IRX2: variants seen among roughly 807,000 people sequenced by gnomAD.
The protein encoded by IRX2 is iroquois-class homeodomain protein IRX-2.
IRX2 carries 26 observed loss-of-function variants against 42.9 expected under a neutral mutation model. The observed-to-expected ratio is 0.61, with a 90% CI of 0.44 to 0.84. The LOEUF (loss-of-function observed/expected upper bound fraction) is 0.84. IRX2 is among the 40% of genes least tolerant of loss of function. IRX2 has a pLI of 0.00. For synonymous variants in IRX2, 424 were observed against 353.9 expected (o/e 1.20, Z -2.22); for missense variants, 782 against 713.9 (o/e 1.10, Z -1.09).
chr5:2,744,776 T>A (rs1560946679), downstream of IRX2, among the ~76,000 whole-genome samples: 1 of 152,130 alleles, frequency 6.6e-6, no homozygotes, highest in African/African-American at 2.4e-5. Context: ...ATGTCTGACC[T>A]CCAAATGCTT....
At chr5:2,736,085 A>T in the IRX2 span, among the ~76,000 whole-genome samples, 8 of 152,110 alleles carry the variant, frequency 5.3e-5, no homozygotes, top group Non-Finnish European at 1.2e-4. Flanking sequence ...AGCCCACGCC[A>T]TGGGTTCCTA....
At chr5:2,740,927 G>GC (rs1461503713), downstream of IRX2, among the ~76,000 whole-genome samples, 2 of 152,114 alleles carry the variant, frequency 1.3e-5, no homozygotes, top group South Asian at 4.1e-4. Flanking sequence ...CCGGCCGGCA[G>GC]CCCCCCGACT....
At chr5:2,739,269 C>T in the IRX2 span, among the ~76,000 whole-genome samples, 2 of 152,006 alleles carry the variant, frequency 1.3e-5, no homozygotes, top group South Asian at 2.1e-4. Flanking sequence ...GGGCGTCCCC[C>T]GAGGTGTCGC....
At chr5:2,736,252 C>A in the IRX2 span, among the ~76,000 whole-genome samples, 1 of 152,180 alleles carries the variant, frequency 6.6e-6, no homozygotes, top group African/African-American at 2.4e-5. Context: ...CTCCACTGGG[C>A]CCTGGTGAAG....
chr5:2,740,190 G>C, the IRX2 span, among the ~76,000 whole-genome samples: 6 of 151,810 alleles, frequency 4.0e-5, no homozygotes, highest in Admixed American at 6.5e-5. Context: ...TGCGGGGGCG[G>C]GGGTCCTGCC....
intron 3 of IRX2, 23 bp from the exon 4 acceptor site, chr5:2,747,639 G>A (rs764795991): frequency 6.2e-7 from 1 of 1,612,928 alleles, no homozygotes. Context: ...TGGGCAGTTA[G>A]TCAGAACCGA....
rs1160043602 is a variant in IRX2, at chr5:2,751,018, G to C, written c.249+147C>G. 1.8e-5 allele frequency: 17 copies of C among 953,998 alleles called. No individual in the cohort carries two copies. The highest frequency in any genetic ancestry group is 2.0e-5 in the Non-Finnish European group (15 of 755,600). The allele number at this position is 953,998 out of a possible 1,614,324, so 59.1% of individuals were successfully genotyped here. On this transcript the variant is annotated intron_variant, in intron 1 of 3. Coordinates refer to ENST00000302057, the MANE Select transcript of IRX2 (RefSeq NM_033267.5). This position sits in a 1 kb window ranked among gnomAD's most constrained non-coding sequence, Gnocchi z 4.0. ...ACCCGGGGCCCGGCTCAGCCTGCGG[G>C]GCGGCCAACCGAGCCGGCGACTCCT...
In IRX2 at chr5:2,751,381, C is replaced by A. The variant is rs754581300; in HGVS notation, c.33G>T (p.Ala11=). The change falls in exon 1 of 4, where the codon GCG becomes GCT. Residue 11 remains alanine, a synonymous_variant. Coordinates refer to ENST00000302057, the MANE Select transcript of IRX2 (RefSeq NM_033267.5). This position sits in a 1 kb window ranked among gnomAD's most constrained non-coding sequence, Gnocchi z 4.0. The stretch of plus-strand genomic sequence containing the variant: ...ACGAGTAGAGCGCCAGCGAGCCGGG[C>A]GCCTGGTACAGGTAGCCCTGCGGGT... The part of the protein sequence containing the change: MSYPQGYLYQ[A]PGSLALYSCP... The A allele has an allele frequency of 7.7e-6, 11 of 1,420,448 alleles. No homozygotes were observed. Among genetic ancestry groups the A allele is most frequent in the Non-Finnish European group, 1.0e-5 (11 of 1,085,988 alleles). 88.0% of individuals were successfully genotyped at this position (1,420,448 alleles called of 1,614,324 possible). A position where few individuals can be genotyped will look rare whatever the true frequency, so the allele number is the denominator to read the frequency against.
chr5:2,748,456 CG>C lies in IRX2; in HGVS notation c.1251del (p.Gly418AlafsTer147), dbSNP rs1579626587. 9 of 1,569,108 alleles carry C rather than the reference CG, an allele frequency of 5.7e-6. No individual in the cohort carries two copies. Among genetic ancestry groups the C allele is most frequent in the Middle Eastern group, 2.1e-4 (1 of 4,716 alleles). ...TTTGGCGCGGTGTGCAGGGCCTCGCCGGGGGCCGCGGCCGCAGAGTTGTACC... is the reference window on the plus strand; with the variant it reads ...TTTGGCGCGGTGTGCAGGGCCTCGCCGGGGCCGCGGCCGCAGAGTTGTACC... ...LLRYNSAAAAPGEALHTAPKA... is the reference protein window; with the variant it reads ...LLRYNSAAAAXGEALHTAPKA... On this transcript the variant is annotated frameshift_variant, in exon 3 of 4. Transcript: ENST00000302057. LOFTEE classifies it high-confidence loss of function.
At chr5:2,743,535 C>CGGAGCCGGGAGCGCGCCCAGGTCT (rs1737590356), downstream of IRX2, among the ~76,000 whole-genome samples, 1 of 151,882 alleles carries the variant, frequency 6.6e-6, no homozygotes, top group African/African-American at 2.4e-5. Flanking sequence ...CGCCGGGCCG[C>CGGAGCCGGGAGCGCGCCCAGGTCT]GGAGCCGGGA....
In IRX2 at chr5:2,751,081, C is replaced by T; in HGVS notation, c.249+84G>A. The T allele has an allele frequency of 8.4e-7, 1 of 1,185,514 alleles. No individual in the cohort carries two copies. Among genetic ancestry groups the T allele is most frequent in the Non-Finnish European group, 1.0e-6 (1 of 957,724 alleles). 73.4% of individuals were successfully genotyped at this position (1,185,514 alleles called of 1,614,324 possible). On this transcript the variant is annotated intron_variant, in intron 1 of 3. Transcript: ENST00000302057. This position sits in a 1 kb window ranked among gnomAD's most constrained non-coding sequence, Gnocchi z 4.0. ...GCGCCACATTCCCGGCGGCCCCCGC[C>T]CGCCGAACCCGAGCCCCGCTCCGCC...
intron 3 of IRX2, 42 bp from the exon 4 acceptor site, chr5:2,747,658 C>G: frequency 1.2e-6 from 2 of 1,603,726 alleles, no homozygotes; most frequent in Admixed American, 1.7e-5. Context: ...GACCCCACAG[C>G]CTGCTGGCTG....
At position 2,751,459 on chromosome 5, in the gene IRX2, G is replaced by C. The variant is rs1737983500; in HGVS notation, c.-46C>G. The stretch of plus-strand genomic sequence containing the variant: ...CCCGCGTCACGCCGAGCAGCGGGCA[G>C]GGCGCGCGGCGCCCTCCATCCACGC... On this transcript the variant is annotated 5_prime_UTR_variant, in exon 1 of 4. Transcript: ENST00000302057. This position sits in a 1 kb window ranked among gnomAD's most constrained non-coding sequence, Gnocchi z 4.0. 3.0e-5 allele frequency: 34 copies of C among 1,133,172 alleles called. No homozygotes were observed. The highest frequency in any genetic ancestry group is 3.7e-5 in the Non-Finnish European group (34 of 926,434). 70.2% of individuals were successfully genotyped at this position (1,133,172 alleles called of 1,614,324 possible).
downstream of IRX2, among the ~76,000 whole-genome samples, chr5:2,745,598 A>G (rs1011650472): frequency 3.3e-5 from 5 of 152,338 alleles, no homozygotes; most frequent in Admixed American, 2.0e-4. Flanking sequence ...CTGAAAGGAA[A>G]GTAAGTCCCT....
At chr5:2,741,734 G>T (rs1436678060), downstream of IRX2, among the ~76,000 whole-genome samples, 1 of 152,058 alleles carries the variant, frequency 6.6e-6, no homozygotes, top group Non-Finnish European at 1.5e-5. Context: ...CTTCCCTCTG[G>T]GTATTTTCTG....
Position 2,746,765 on chromosome 5 carries a change from T to C in IRX2, c.*799A>G, listed in dbSNP as rs976415234. On this transcript the variant is annotated 3_prime_UTR_variant, in exon 4 of 4. Transcript: ENST00000302057. ...GCTGACTTTTTTTTTTTTTTTTTTT[T>C]CAAAGCAATTGTGACACCTACCTGT... 5 of 150,928 alleles carry C rather than the reference T, an allele frequency of 3.3e-5. No homozygotes were observed. The highest frequency in any genetic ancestry group is 1.3e-4 in the Admixed American group (2 of 15,034). 9.3% of individuals were successfully genotyped at this position (150,928 alleles called of 1,614,324 possible).
downstream of IRX2, among the ~76,000 whole-genome samples, chr5:2,743,574 G>C (rs1388919879): frequency 6.6e-6 from 1 of 152,226 alleles, no homozygotes; most frequent in East Asian, 1.9e-4. Context: ...CCGCAGCAAA[G>C]CCAAGGCCAC....
chr5:2,750,435 A>G (rs1230898260), intron 1 of IRX2, among the ~76,000 whole-genome samples: 1 of 152,182 alleles, frequency 6.6e-6, no homozygotes, highest in Admixed American at 6.5e-5. Context: ...AATGGCCTCA[A>G]TCGCCCGTAA....
Position 2,751,201 on chromosome 5 carries a change from G to A in IRX2, c.213C>T (p.Asp71=). The A allele has an allele frequency of 1.6e-6, 2 of 1,275,870 alleles. No individual in the cohort carries two copies. Among genetic ancestry groups the A allele is most frequent in the South Asian group, 2.4e-5 (1 of 41,728 alleles). 79.0% of individuals were successfully genotyped at this position (1,275,870 alleles called of 1,614,324 possible). ...GGAAGCCGGCGGCGGCGGCGGCGGC[G>A]TCGGCCGAGTACTGCAGCGGGCTCC... ...GFGSPLQYSA[D]AAAAAAGFPS... The change falls in exon 1 of 4, where the codon GAC becomes GAT. Residue 71 remains aspartate, a synonymous_variant. Coordinates refer to ENST00000302057, the MANE Select transcript of IRX2 (RefSeq NM_033267.5). This position sits in a 1 kb window ranked among gnomAD's most constrained non-coding sequence, Gnocchi z 4.0.
Sources: allele counts gnomAD v4.1 joint callset (sites outside exome capture counted in the v4.1 genomes callset), GRCh38; gene constraint gnomAD v4.1.1; non-coding constraint Gnocchi (gnomAD v3.1); transcripts MANE v1.5; gene names NCBI Gene and HGNC (gene_info 2026-07-23, HGNC 2026-07-21).